The following EPHA4 variants were observed in gnomAD, a reference collection of about 807,000 sequenced individuals.
The protein encoded by EPHA4 is EPH receptor A4.
In EPHA4, 19 loss-of-function variants were observed where a neutral mutation model predicts 108.3. The observed-to-expected ratio is 0.18, with a 90% CI of 0.12 to 0.26. EPHA4 has a LOEUF of 0.26. EPHA4 is among the 10% of genes least tolerant of loss of function. The probability of loss-of-function intolerance (pLI) is 1.00; values close to 1 mark genes in which losing one functional copy is unlikely to be tolerated. For missense variants in EPHA4, 917 were observed against 1,254.0 expected (o/e 0.73, Z 4.06); for synonymous variants, 449 against 455.5 (o/e 0.99, Z 0.18).
At chr2:221,521,194 A>G (rs1224180219) in intron 3 of EPHA4, among the ~76,000 whole-genome samples, 2 of 152,196 alleles carry the variant, frequency 1.3e-5, no homozygotes, top group Admixed American at 6.5e-5. Context: ...GTGAATGTCA[A>G]TGAACTAATT....
At chr2:221,521,850 G>A (rs1333053158) in intron 3 of EPHA4, among the ~76,000 whole-genome samples, 6 of 152,060 alleles carry the variant, frequency 3.9e-5, no homozygotes, top group African/African-American at 1.2e-4. Context: ...GATGGCACAC[G>A]CCTGTAGTCC....
chr2:221,456,798 G>A, intron 6 of EPHA4, 26 bp from the exon 7 acceptor site: 1 of 1,609,608 alleles, frequency 6.2e-7, no homozygotes, highest in Non-Finnish European at 8.5e-7. Flanking sequence ...ATAAAATTGG[G>A]GAAGGTGGCA....
intron 4 of EPHA4, among the ~76,000 whole-genome samples, chr2:221,489,520 C>T (rs182361141): frequency 1.3e-5 from 2 of 152,226 alleles, no homozygotes; most frequent in African/African-American, 4.8e-5. Context: ...GACTTCTTAT[C>T]CCTGGAATAG....
Position 221,549,006 on chromosome 2 carries a change from G to C in EPHA4, c.823+14725C>G, listed in dbSNP as rs540882912. Among the ~76,000 whole-genome samples the C allele has an allele frequency of 1.6e-3, 239 of 152,222 alleles. 1 individual carries two copies. The highest frequency in any genetic ancestry group is 3.9e-3 in the Admixed American group (60 of 15,298). On this transcript the variant is annotated intron_variant, in intron 3 of 17. Transcript: ENST00000281821. ...GTAGTCCCAGCCACTTGGGAGTCCT[G>C]TAAAACTCCATTCTTCATGGAGTTT...
At chr2:221,524,590 A>G (rs1346343603) in intron 3 of EPHA4, among the ~76,000 whole-genome samples, 1 of 152,234 alleles carries the variant, frequency 6.6e-6, no homozygotes, top group Non-Finnish European at 1.5e-5. Flanking sequence ...TCAAATGAAA[A>G]GGCAAATTGG....
At chr2:221,485,190 G>A (rs1014511075) in intron 4 of EPHA4, among the ~76,000 whole-genome samples, 1 of 152,202 alleles carries the variant, frequency 6.6e-6, no homozygotes, top group African/African-American at 2.4e-5. Context: ...TAATTAGTAT[G>A]TAGGACGGGG....
intron 3 of EPHA4, among the ~76,000 whole-genome samples, chr2:221,516,002 G>C (rs1025160667): frequency 1.3e-5 from 2 of 150,774 alleles, no homozygotes; most frequent in African/African-American, 4.9e-5. Context: ...CTTCCCCCAG[G>C]AAAAGAAAGA....
At chr2:221,521,356 G>C (rs894459953) in intron 3 of EPHA4, among the ~76,000 whole-genome samples, 2 of 152,168 alleles carry the variant, frequency 1.3e-5, no homozygotes, top group Non-Finnish European at 2.9e-5. Flanking sequence ...ATTGAAACTG[G>C]ACTTAAGTTT....
intron 15 of EPHA4, among the ~76,000 whole-genome samples, chr2:221,428,430 T>C (rs965231505): frequency 6.6e-6 from 1 of 152,208 alleles, no homozygotes; most frequent in Non-Finnish European, 1.5e-5. Context: ...AAAAAGAATT[T>C]AGAACTGATA....
intron 4 of EPHA4, among the ~76,000 whole-genome samples, chr2:221,491,766 C>T (rs532024562): frequency 6.6e-6 from 1 of 152,094 alleles, no homozygotes; most frequent in Admixed American, 6.5e-5. Flanking sequence ...ATTAAAGGTT[C>T]TTTTTCTAGG....
Position 221,425,965 on chromosome 2 carries a change from T to C in EPHA4, c.*63A>G. The C allele has an allele frequency of 1.5e-6, 2 of 1,363,164 alleles. No individual in the cohort carries two copies. The highest frequency in any genetic ancestry group is 1.0e-6 in the Non-Finnish European group (1 of 960,214). 84.4% of individuals were successfully genotyped at this position (1,363,164 alleles called of 1,614,324 possible). A position where few individuals can be genotyped will look rare whatever the true frequency, so the allele number is the denominator to read the frequency against. On this transcript the variant is annotated 3_prime_UTR_variant, in exon 17 of 18. Coordinates refer to ENST00000281821, the MANE Select transcript of EPHA4 (RefSeq NM_004438.5). ...GACGAAGTAAAAAAAGTGCAGTTCT[T>C]CAATTAAAGTGCATGGATGAGGTAA...
At chr2:221,510,402 C>G (rs984044652) in intron 3 of EPHA4, among the ~76,000 whole-genome samples, 1 of 152,158 alleles carries the variant, frequency 6.6e-6, no homozygotes, top group Non-Finnish European at 1.5e-5. Context: ...CCAATAGTTT[C>G]TAATTCAGAT....
At chr2:221,555,047 C>G (rs1694265061) in intron 3 of EPHA4, among the ~76,000 whole-genome samples, 1 of 152,180 alleles carries the variant, frequency 6.6e-6, no homozygotes, top group African/African-American at 2.4e-5. Context: ...ACTAAACAGA[C>G]AAGCCAAGGG....
rs1689639808 is a variant in EPHA4, at chr2:221,418,315, A to T, written c.*3057T>A. 6.5e-6 allele frequency: 1 copy of T among 152,682 alleles called. No homozygotes were observed. The allele number at this position is 152,682 out of a possible 1,614,324, so 9.5% of individuals were successfully genotyped here. On this transcript the variant is annotated 3_prime_UTR_variant, in exon 18 of 18. Coordinates refer to ENST00000281821, the MANE Select transcript of EPHA4 (RefSeq NM_004438.5). ...AACTAAATTATAATATGCCTTATAC[A>T]TTCTAATTTGAACCACAGTCCTTGC... is the stretch of plus-strand genomic sequence containing the variant.
chr2:221,526,324 T>C (rs1320226778), intron 3 of EPHA4, among the ~76,000 whole-genome samples: 2 of 152,136 alleles, frequency 1.3e-5, no homozygotes, highest in Non-Finnish European at 2.9e-5. Context: ...AACTGGGGCA[T>C]ATACAGTTAA....
chr2:221,537,534 G>T (rs996789021), intron 3 of EPHA4, among the ~76,000 whole-genome samples: 1 of 152,228 alleles, frequency 6.6e-6, no homozygotes, highest in Non-Finnish European at 1.5e-5. Context: ...CATCTGTAAT[G>T]CAAGTACTTT....
At chr2:221,430,229 T>G in intron 14 of EPHA4, 78 bp from the exon 15 acceptor site, 2 of 1,440,648 alleles carry the variant, frequency 1.4e-6, no homozygotes, top group East Asian at 2.3e-5. Context: ...ACTGGCATGT[T>G]TCTTGTGCAT....
At chr2:221,557,915 G>A (rs1267358536) in intron 3 of EPHA4, among the ~76,000 whole-genome samples, 1 of 152,034 alleles carries the variant, frequency 6.6e-6, no homozygotes, top group South Asian at 2.1e-4. Flanking sequence ...AGCAAAGCAA[G>A]GTTAATCATT....
chr2:221,426,165 G>T, intron 16 of EPHA4, 23 bp from the exon 17 acceptor site: 2 of 1,599,652 alleles, frequency 1.3e-6, no homozygotes, highest in Non-Finnish European at 1.7e-6. Context: ...CGACAAAAAA[G>T]GGACAGAAGA....
Sources: allele counts gnomAD v4.1 joint callset (sites outside exome capture counted in the v4.1 genomes callset), GRCh38; gene constraint gnomAD v4.1.1; transcripts MANE v1.5; gene names NCBI Gene and HGNC (gene_info 2026-07-23, HGNC 2026-07-21).